SEMA3C: variants seen among roughly 807,000 people sequenced by gnomAD.
SEMA3C encodes semaphorin-3C.
A neutral mutation model predicts 89.4 loss-of-function variants in SEMA3C; 47 were observed. The ratio of observed to expected loss-of-function variants is 0.53; its 90% CI spans 0.42 to 0.67. SEMA3C has a LOEUF of 0.67. Ranked by LOEUF, SEMA3C falls within the 30% of genes least tolerant of loss-of-function variation. SEMA3C has a pLI of 0.00. For synonymous variants in SEMA3C, 310 were observed against 320.2 expected, an observed-to-expected ratio of 0.97 and a Z score of 0.34; for missense variants, 839 against 929.1, an observed-to-expected ratio of 0.90 and a Z score of 1.26.
At chr7:80,892,860 T>A (rs1791648643) in intron 2 of SEMA3C, among the ~76,000 whole-genome samples, 1 of 152,162 alleles carries the variant, frequency 6.6e-6, no homozygotes. Context: ...CTAACAAGAA[T>A]AATCTTTTCT....
intron 12 of SEMA3C, among the ~76,000 whole-genome samples, chr7:80,785,022 T>C (rs986917430): frequency 6.6e-6 from 1 of 152,168 alleles, no homozygotes; most frequent in Admixed American, 6.5e-5. Flanking sequence ...CCTCTTTCCC[T>C]TCCTCCCTCC....
intron 2 of SEMA3C, among the ~76,000 whole-genome samples, chr7:80,872,061 C>T (rs1370337856): frequency 1.3e-5 from 2 of 152,144 alleles, no homozygotes; most frequent in African/African-American, 2.4e-5. Context: ...TTCATATTCA[C>T]GGCCTTGTAT....
intron 2 of SEMA3C, among the ~76,000 whole-genome samples, chr7:80,896,042 TTTATC>T (rs1030982802): frequency 1.1e-4 from 17 of 152,064 alleles, no homozygotes; most frequent in East Asian, 3.9e-4. Context: ...TTGTGTTTAG[TTTATC>T]TTATCAATTG....
At chr7:80,800,615 G>T in intron 10 of SEMA3C, 142 bp downstream of exon 10, 1 of 510,964 alleles carries the variant, frequency 2.0e-6, no homozygotes. Context: ...TGGTAATCAG[G>T]CAAAAGTAAA....
intron 13 of SEMA3C, among the ~76,000 whole-genome samples, chr7:80,763,153 A>G (rs2117056201): frequency 6.6e-6 from 1 of 152,336 alleles, no homozygotes; most frequent in Admixed American, 6.5e-5. Context: ...AATGTGGAAC[A>G]GAGGACTAAA....
At chr7:80,842,848 C>T (rs1562901586) in intron 2 of SEMA3C, among the ~76,000 whole-genome samples, 1 of 152,102 alleles carries the variant, frequency 6.6e-6, no homozygotes, top group Non-Finnish European at 1.5e-5. Flanking sequence ...CAGAATCTGT[C>T]TTTCTGTTTC....
chr7:80,919,456 G>C (rs1243070516), upstream of SEMA3C: 1 of 867,346 alleles, frequency 1.2e-6, no homozygotes, highest in Non-Finnish European at 1.4e-6. Context: ...AAAGTGCAAA[G>C]CAGTTGTGGT....
rs111589426 is a variant in SEMA3C, at chr7:80,790,367, GAGAAGA to G, written c.1132-845_1132-840del. Among the ~76,000 whole-genome samples the G allele has an allele frequency of 2.1e-3, 317 of 151,966 alleles. 5 individuals carry two copies. The highest frequency in any genetic ancestry group is 7.1e-3 in the African/African-American group (293 of 41,380). ...GAAGGAGAAGGGGAGGAGAGAAGAAGAGAAGAAGAAGAAGGAAGAAGACAGCTTAGA... is the reference window on the plus strand; with the variant it reads ...GAAGGAGAAGGGGAGGAGAGAAGAAGAGAAGAAGGAAGAAGACAGCTTAGA... On this transcript the variant is annotated intron_variant, in intron 11 of 17. Transcript: ENST00000265361.
chr7:80,845,743 A>T (rs1583934960), intron 2 of SEMA3C, among the ~76,000 whole-genome samples: 1 of 152,278 alleles, frequency 6.6e-6, no homozygotes, highest in Admixed American at 6.5e-5. Context: ...TGAATGGTGG[A>T]AAACCATGGG....
chr7:80,769,989 T>C (rs1273224314), intron 12 of SEMA3C, among the ~76,000 whole-genome samples: 1 of 152,056 alleles, frequency 6.6e-6, no homozygotes, highest in Non-Finnish European at 1.5e-5. Context: ...TTGATGGTAA[T>C]GAGTTCCCTG....
rs891916017 is a variant in SEMA3C at position 80,744,783 on chromosome 7, T to A, written c.*111A>T. On this transcript the variant is annotated 3_prime_UTR_variant, in exon 18 of 18. Transcript: ENST00000265361. ...CGTGTAAAACTCACTTCAGGAGTAA[T>A]CACCTTTTTCAGTAATTCCCCTTGG... The A allele has an allele frequency of 8.2e-7, 1 of 1,224,642 alleles. No individual in the cohort carries two copies. 75.9% of individuals were successfully genotyped at this position (1,224,642 alleles called of 1,614,324 possible). A position where few individuals can be genotyped will look rare whatever the true frequency, so the allele number is the denominator to read the frequency against.
At chr7:80,791,671 TCAG>T (rs996523547) in intron 11 of SEMA3C, among the ~76,000 whole-genome samples, 8 of 152,304 alleles carry the variant, frequency 5.3e-5, no homozygotes, top group African/African-American at 1.9e-4. Flanking sequence ...CTTCCAGACC[TCAG>T]CAGAAGATAG....
intron 17 of SEMA3C, among the ~76,000 whole-genome samples, chr7:80,746,718 G>GGGGTGTGTGTGT (rs149678378): frequency 1.1e-3 from 155 of 143,028 alleles, no homozygotes; most frequent in Middle Eastern, 3.5e-3. Context: ...ATTGAAGTGG[G>GGGGTGTGTGTGT]GTGTGTGTGT....
chr7:80,746,568 T>A (rs1280335017), intron 17 of SEMA3C, among the ~76,000 whole-genome samples: 1 of 152,072 alleles, frequency 6.6e-6, no homozygotes, highest in African/African-American at 2.4e-5. Context: ...TACTCTCACA[T>A]GTGTGCAGGT....
intron 2 of SEMA3C, among the ~76,000 whole-genome samples, chr7:80,868,990 T>C (rs746424019): frequency 4.6e-5 from 7 of 152,198 alleles, no homozygotes; most frequent in Non-Finnish European, 1.0e-4. Context: ...AAAGATTATT[T>C]ACTAGTCCTA....
chr7:80,895,839 A>C (rs1791721904), intron 2 of SEMA3C, among the ~76,000 whole-genome samples: 2 of 152,124 alleles, frequency 1.3e-5, no homozygotes, highest in African/African-American at 4.8e-5. Flanking sequence ...TCTAAAGCAA[A>C]ATTTATTCTA....
chr7:80,766,343 C>A (rs984158903), intron 12 of SEMA3C, among the ~76,000 whole-genome samples: 1 of 152,176 alleles, frequency 6.6e-6, no homozygotes, highest in Admixed American at 6.5e-5. Context: ...TAACTGGTTG[C>A]AGCTGGTGCT....
Position 80,814,872 on chromosome 7 carries a change from G to C in SEMA3C, c.447+3427C>G, listed in dbSNP as rs144891842. Among the ~76,000 whole-genome samples, 3 of 152,044 alleles carry C rather than the reference G, an allele frequency of 2.0e-5. No homozygotes were observed. In the South Asian group the frequency reaches 6.2e-4, roughly 32 times the overall value. On this transcript the variant is annotated intron_variant, in intron 5 of 17. Transcript: ENST00000265361. ...ACCATTGCTATCACCTGAGTACAACGATCTCTTTTGTGGTCTTCTATGTCA... is the reference window on the plus strand; with the variant it reads ...ACCATTGCTATCACCTGAGTACAACCATCTCTTTTGTGGTCTTCTATGTCA...
chr7:80,786,797 A>G (rs1788814290), intron 12 of SEMA3C, among the ~76,000 whole-genome samples: 1 of 152,240 alleles, frequency 6.6e-6, no homozygotes, highest in Non-Finnish European at 1.5e-5. Context: ...ATATGCCTAG[A>G]GAGAAATTAT....
Sources: allele counts gnomAD v4.1 joint callset (sites outside exome capture counted in the v4.1 genomes callset), GRCh38; gene constraint gnomAD v4.1.1; transcripts MANE v1.5; gene names NCBI Gene and HGNC (gene_info 2026-07-23, HGNC 2026-07-21).